Variants in ALOXE3 observed in about 807,000 individuals in gnomAD.
The protein encoded by ALOXE3 is arachidonate epidermal lipoxygenase 3, also known as hydroperoxide isomerase ALOXE3.
Under a neutral mutation model 87.5 loss-of-function variants are expected in ALOXE3, and 78 were observed. That is an observed-to-expected ratio of 0.89 (90% CI 0.74 to 1.08). ALOXE3 has a LOEUF of 1.08. Ranked by LOEUF, ALOXE3 falls within the 50% of genes least tolerant of loss-of-function variation. ALOXE3 has a pLI of 0.00. For synonymous variants in ALOXE3, 363 were observed against 370.8 expected, an observed-to-expected ratio of 0.98 and a Z score of 0.24; for missense variants, 946 against 912.4, an observed-to-expected ratio of 1.04 and a Z score of -0.47.
intron 15 of ALOXE3, among the ~76,000 whole-genome samples, chr17:8,099,592 C>G (rs1388708901): frequency 6.6e-6 from 1 of 151,082 alleles, no homozygotes; most frequent in African/African-American, 2.4e-5. Flanking sequence ...ACCCGGGAGG[C>G]AGAGGTTGCA....
chr17:8,096,949 C>G (rs1387887216), intron 15 of ALOXE3, 143 bp from the exon 16 acceptor site: 3 of 953,750 alleles, frequency 3.1e-6, no homozygotes, highest in Non-Finnish European at 4.9e-6. Context: ...TTGCCCCAAA[C>G]TGCCACCCCA....
intron 8 of ALOXE3, among the ~76,000 whole-genome samples, 167 bp downstream of exon 8, chr17:8,111,192 G>A (rs1461931368): frequency 6.6e-6 from 1 of 152,170 alleles, no homozygotes; most frequent in Non-Finnish European, 1.5e-5. Context: ...ACCCTCATCC[G>A]TATCTGCTCT....
At chr17:8,109,475 C>A (rs1979821855) in intron 11 of ALOXE3, 132 bp from the exon 12 acceptor site, 2 of 1,215,528 alleles carry the variant, frequency 1.6e-6, no homozygotes, top group African/African-American at 3.0e-5. Context: ...GGATCAAATA[C>A]CCACGAGGGC....
At chr17:8,102,299 C>A (rs886632544) in intron 15 of ALOXE3, among the ~76,000 whole-genome samples, 2 of 152,202 alleles carry the variant, frequency 1.3e-5, no homozygotes, top group African/African-American at 4.8e-5. Flanking sequence ...TCGAGACCAG[C>A]CTGGCCAACA....
At chr17:8,111,257 G>A (rs1980054609) in intron 8 of ALOXE3, 102 bp downstream of exon 8, 10 of 1,449,326 alleles carry the variant, frequency 6.9e-6, no homozygotes, top group South Asian at 5.8e-5. Context: ...CAGGTGAAAT[G>A]CAGCCCAGGC....
Position 8,104,114 on chromosome 17 carries a change from C to A in ALOXE3, c.1785+1G>T. 1.9e-6 allele frequency: 3 copies of A among 1,613,294 alleles called. No individual in the cohort carries two copies. The highest frequency in any genetic ancestry group is 1.1e-5 in the South Asian group (1 of 90,978). ...CCCAGGCCTGCCCTTTGTAGCCTCA[C>A]CTGCCCACTGTTGACAGCAGCGTGC... On this transcript the variant is annotated splice_donor_variant, in intron 14 of 15. Coordinates refer to ENST00000448843, the MANE Select transcript of ALOXE3 (RefSeq NM_021628.3). LOFTEE classifies it high-confidence loss of function.
chr17:8,117,921 CAG>C lies in ALOXE3; in HGVS notation c.68_69del (p.Ser23CysfsTer9). The C allele has an allele frequency of 6.2e-7, 1 of 1,612,378 alleles. No homozygotes were observed. Among genetic ancestry groups the C allele is most frequent in the Non-Finnish European group, 8.5e-7 (1 of 1,179,626 alleles). ...TCACCACACGTGCCCACCAGTGTGACAGAGATGTTGTCCAGTGTGCCGGCCCT... is the reference window on the plus strand; with the variant it reads ...TCACCACACGTGCCCACCAGTGTGACAGATGTTGTCCAGTGTGCCGGCCCT... ...YLRAGTLDNI[S>X]VTLVGTCGES... On this transcript the variant is annotated frameshift_variant, in exon 2 of 16. Coordinates refer to ENST00000448843, the MANE Select transcript of ALOXE3 (RefSeq NM_021628.3). LOFTEE classifies it high-confidence loss of function.
At chr17:8,112,859 A>G (rs924779293) in intron 6 of ALOXE3, among the ~76,000 whole-genome samples, 4 of 152,040 alleles carry the variant, frequency 2.6e-5, no homozygotes, top group African/African-American at 9.7e-5. Flanking sequence ...TAGAGACACA[A>G]TCATAGCTCA....
chr17:8,115,092 T>C, intron 4 of ALOXE3, 35 bp from the exon 5 acceptor site: 3 of 1,613,832 alleles, frequency 1.9e-6, no homozygotes, highest in East Asian at 4.5e-5. Flanking sequence ...TGGCAGGTCA[T>C]GCTCGGGATA....
Position 8,117,973 on chromosome 17 carries a change from C to T in ALOXE3, c.18G>A (p.Leu6=), listed in dbSNP as rs1461803162. The T allele has an allele frequency of 6.2e-6, 10 of 1,611,646 alleles. No individual in the cohort carries two copies. The highest frequency in any genetic ancestry group is 8.5e-6 in the Non-Finnish European group (10 of 1,179,738). MAVYR[L]CVTTGPYLRA... ...TCAGGTAGGGACCAGTGGTCACACA[C>T]AGGCGGTACACTGCCATGATGGGAA... The change falls in exon 2 of 16, where the codon CTG becomes CTA. Residue 6 remains leucine (L), a synonymous_variant. Transcript: ENST00000448843.
Position 8,096,486 on chromosome 17 carries a change from T to C in ALOXE3, c.*141A>G, listed in dbSNP as rs549206848. 4.5e-4 allele frequency: 317 copies of C among 703,840 alleles called. No homozygotes were observed. In the African/African-American group the frequency reaches 4.5e-3, roughly 10 times the overall value. The allele number at this position is 703,840 out of a possible 1,614,324, so 43.6% of individuals were successfully genotyped here. A position where few individuals can be genotyped will look rare whatever the true frequency, so the allele number is the denominator to read the frequency against. On this transcript the variant is annotated 3_prime_UTR_variant, in exon 16 of 16. Coordinates refer to ENST00000448843, the MANE Select transcript of ALOXE3 (RefSeq NM_021628.3). ...AGTTTGTATGATGTCAGAGCCATCTTGGCTGCAAAAGTCTCCATGTGCAGA... is the reference window on the plus strand; with the variant it reads ...AGTTTGTATGATGTCAGAGCCATCTCGGCTGCAAAAGTCTCCATGTGCAGA...
At chr17:8,118,743 C>A (rs1568007675), upstream of ALOXE3, 5 of 1,537,186 alleles carry the variant, frequency 3.3e-6, no homozygotes, top group Non-Finnish European at 3.5e-6. Flanking sequence ...CGAAATACAG[C>A]GCCGGCAAAC....
At chr17:8,109,050 C>G in intron 12 of ALOXE3, 124 bp downstream of exon 12, 2 of 1,432,016 alleles carry the variant, frequency 1.4e-6, no homozygotes, top group Non-Finnish European at 1.9e-6. Flanking sequence ...TTCATACCCT[C>G]AAGAATTCCC....
At chr17:8,102,097 C>G (rs764013174) in intron 15 of ALOXE3, among the ~76,000 whole-genome samples, 9 of 152,174 alleles carry the variant, frequency 5.9e-5, no homozygotes, top group Non-Finnish European at 1.0e-4. Context: ...GATATTGGCC[C>G]CTCTCTAGCC....
At chr17:8,102,494 G>C (rs577400063) in intron 15 of ALOXE3, among the ~76,000 whole-genome samples, 1 of 152,208 alleles carries the variant, frequency 6.6e-6, no homozygotes, top group African/African-American at 2.4e-5. Context: ...CTCCATGTGG[G>C]GGGGTGGGGG....
Position 8,108,550 on chromosome 17 carries a change from G to C in ALOXE3, c.1602C>G (p.Asp534Glu). 6.2e-7 allele frequency: 1 copy of C among 1,613,236 alleles called. No homozygotes were observed. Among genetic ancestry groups the C allele is most frequent in the Non-Finnish European group, 8.5e-7 (1 of 1,179,470 alleles). The change falls in exon 13 of 16, where the codon GAC (aspartate) becomes GAG (glutamate). Residue 534 changes from aspartate to glutamate, a missense_variant. Transcript: ENST00000448843. ...GCTCCGAATCCTGCTGCACAGATGC[G>C]TCACTGGGATAATAGTAGCCCACGA... ...SEIVGYYYPSDASVQQDSELQ... is the reference protein window; with the variant it reads ...SEIVGYYYPSEASVQQDSELQ...
Position 8,108,546 on chromosome 17 carries a change from A to G in ALOXE3, c.1606T>C (p.Ser536Pro). The G allele has an allele frequency of 6.2e-7, 1 of 1,613,374 alleles. No homozygotes were observed. The highest frequency in any genetic ancestry group is 8.5e-7 in the Non-Finnish European group (1 of 1,179,526). Residue 536 changes from serine to proline, a missense_variant, in exon 13 of 16, where the codon TCT (serine) becomes CCT (proline). Coordinates refer to ENST00000448843, the MANE Select transcript of ALOXE3 (RefSeq NM_021628.3). ...TGCAGCTCCGAATCCTGCTGCACAG[A>G]TGCGTCACTGGGATAATAGTAGCCC... ...IVGYYYPSDA[S>P]VQQDSELQAW... is the part of the protein sequence containing the mutation.
chr17:8,107,890 A>G lies in ALOXE3; in HGVS notation c.1684+578T>C, dbSNP rs1166601975. ...GAAAGAAAGAAAGAAAGAAAGAAAG[A>G]AAGAAAGAAAGAAAGAAAGAAAGAA... On this transcript the variant is annotated intron_variant, in intron 13 of 15. Transcript: ENST00000448843. Among the ~76,000 whole-genome samples the G allele has an allele frequency of 1.4e-3, 8 of 5,702 alleles. 1 individual carries two copies. Among genetic ancestry groups the G allele is most frequent in the Non-Finnish European group, 2.2e-3 (4 of 1,836 alleles). 3.7% of individuals were successfully genotyped at this position (5,702 alleles called of 152,430 possible).
intron 15 of ALOXE3, among the ~76,000 whole-genome samples, chr17:8,101,796 C>T (rs538570825): frequency 1.2e-4 from 18 of 152,126 alleles, no homozygotes; most frequent in Non-Finnish European, 1.9e-4. Context: ...CACACTAATA[C>T]GCCCGATTAA....
Sources: allele counts gnomAD v4.1 joint callset (sites outside exome capture counted in the v4.1 genomes callset), GRCh38; gene constraint gnomAD v4.1.1; transcripts MANE v1.5; gene names NCBI Gene and HGNC (gene_info 2026-07-23, HGNC 2026-07-21).